The following RPS6KC1 variants were observed in gnomAD, a reference collection of about 807,000 sequenced individuals.
RPS6KC1 encodes ribosomal protein S6 kinase C1, also known as inactive ribosomal protein S6 kinase delta-1.
RPS6KC1 carries 54 observed loss-of-function variants against 103.8 expected under a neutral mutation model. The ratio of observed to expected loss-of-function variants is 0.52; its 90% CI spans 0.42 to 0.65. RPS6KC1 has a LOEUF of 0.65. RPS6KC1 is among the 30% of genes least tolerant of loss of function. The pLI is 0.00. For missense variants in RPS6KC1, 1,151 were observed against 1,253.8 expected, an observed-to-expected ratio of 0.92 and a Z score of 1.24; for synonymous variants, 439 against 438.7, an observed-to-expected ratio of 1.00 and a Z score of -0.01.
chr1:213,482,041 G>A, the RPS6KC1 span, among the ~76,000 whole-genome samples: 1 of 152,136 alleles, frequency 6.6e-6, no homozygotes, highest in Non-Finnish European at 1.5e-5. Context: ...ACCTGCTCCT[G>A]CTTCACCTTC....
chr1:213,544,837 C>T, the RPS6KC1 span, among the ~76,000 whole-genome samples: 1 of 152,168 alleles, frequency 6.6e-6, no homozygotes, highest in African/African-American at 2.4e-5. Context: ...CTCATTCCTT[C>T]TTGACCTAGT....
chr1:213,058,549 C>G (rs1315379285), intron 1 of RPS6KC1, among the ~76,000 whole-genome samples: 1 of 152,000 alleles, frequency 6.6e-6, no homozygotes, highest in Non-Finnish European at 1.5e-5. Flanking sequence ...ACTAACCTTT[C>G]TTCGTTGAAT....
intron 6 of RPS6KC1, among the ~76,000 whole-genome samples, chr1:213,136,501 T>C (rs936043185): frequency 1.3e-5 from 2 of 152,150 alleles, no homozygotes; most frequent in African/African-American, 4.8e-5. Context: ...CTTCTGCTTA[T>C]CTGTCATGGC....
chr1:213,632,245 C>A, the RPS6KC1 span, among the ~76,000 whole-genome samples: 8 of 152,244 alleles, frequency 5.3e-5, no homozygotes, highest in South Asian at 1.7e-3. Flanking sequence ...TGTGAACATA[C>A]GTTTTCATTT....
chr1:213,305,104 T>G, the RPS6KC1 span, among the ~76,000 whole-genome samples: 1 of 152,026 alleles, frequency 6.6e-6, no homozygotes, highest in Non-Finnish European at 1.5e-5. Context: ...ATCTTTTTTT[T>G]GAGAGAGTGT....
chr1:213,262,170 A>G (rs1008603345), intron 13 of RPS6KC1, among the ~76,000 whole-genome samples: 1 of 152,178 alleles, frequency 6.6e-6, no homozygotes, highest in African/African-American at 2.4e-5. Flanking sequence ...TTAATAAAGT[A>G]TTGTGCAGAT....
chr1:213,271,559 A>G (rs1429486999), intron 14 of RPS6KC1, among the ~76,000 whole-genome samples: 1 of 152,052 alleles, frequency 6.6e-6, no homozygotes, highest in Non-Finnish European at 1.5e-5. Flanking sequence ...AGGTCAGGAG[A>G]TCGAGACCAT....
chr1:213,096,818 T>C (rs1458575276), intron 3 of RPS6KC1, among the ~76,000 whole-genome samples: 1 of 152,208 alleles, frequency 6.6e-6, no homozygotes, highest in Non-Finnish European at 1.5e-5. Flanking sequence ...TGAAATGTAT[T>C]TCTTAAATAA....
At chr1:213,246,039 A>C (rs1159085678) in intron 12 of RPS6KC1, among the ~76,000 whole-genome samples, 1 of 152,138 alleles carries the variant, frequency 6.6e-6, no homozygotes, top group East Asian at 1.9e-4. Context: ...AAAAAGACAA[A>C]AACCATGGAG....
At chr1:213,388,073 G>T in the RPS6KC1 span, among the ~76,000 whole-genome samples, 2 of 152,234 alleles carry the variant, frequency 1.3e-5, no homozygotes, top group Non-Finnish European at 1.5e-5. Context: ...GCCCTCCTGG[G>T]CCCCATTTTG....
the RPS6KC1 span, among the ~76,000 whole-genome samples, chr1:213,536,780 C>T: frequency 6.6e-6 from 1 of 152,150 alleles, no homozygotes; most frequent in African/African-American, 2.4e-5. Context: ...GTGCCAAACC[C>T]CTGTTAACCT....
At chr1:213,340,717 A>G in the RPS6KC1 span, among the ~76,000 whole-genome samples, 2 of 152,208 alleles carry the variant, frequency 1.3e-5, no homozygotes, top group African/African-American at 4.8e-5. Context: ...TTTAACTCAG[A>G]TATTCTTGCA....
At chr1:213,076,166 G>C (rs1028441035) in intron 2 of RPS6KC1, among the ~76,000 whole-genome samples, 4 of 152,186 alleles carry the variant, frequency 2.6e-5, no homozygotes, top group Non-Finnish European at 5.9e-5. Flanking sequence ...TTTTGTTGTT[G>C]AGTAAATGAA....
At chr1:213,423,553 A>T in the RPS6KC1 span, among the ~76,000 whole-genome samples, 1 of 152,220 alleles carries the variant, frequency 6.6e-6, no homozygotes, top group East Asian at 1.9e-4. Context: ...GACTGCAAAT[A>T]GCTCAGCCAA....
At chr1:213,195,855 T>TACCA (rs1553373516) in intron 8 of RPS6KC1, among the ~76,000 whole-genome samples, 6 of 151,902 alleles carry the variant, frequency 3.9e-5, no homozygotes, top group Non-Finnish European at 5.9e-5. Context: ...TGTATATATA[T>TACCA]ACCATATTTT....
the RPS6KC1 span, among the ~76,000 whole-genome samples, chr1:213,506,169 A>C: frequency 6.6e-6 from 1 of 152,058 alleles, no homozygotes; most frequent in Non-Finnish European, 1.5e-5. Context: ...TACAGTATAG[A>C]CTCTTGGCAT....
the RPS6KC1 span, among the ~76,000 whole-genome samples, chr1:213,626,277 G>GTTTGA: frequency 1.3e-5 from 2 of 152,104 alleles, no homozygotes; most frequent in African/African-American, 4.8e-5. Context: ...TGATGGGGTT[G>GTTTGA]TTTTTTTCTT....
At chr1:213,475,732 C>G in the RPS6KC1 span, among the ~76,000 whole-genome samples, 2 of 152,138 alleles carry the variant, frequency 1.3e-5, no homozygotes, top group Non-Finnish European at 2.9e-5. Context: ...CTTTCAAGCT[C>G]TAGAGTTTGG....
At chr1:213,369,755 G>T in the RPS6KC1 span, among the ~76,000 whole-genome samples, 1 of 152,248 alleles carries the variant, frequency 6.6e-6, no homozygotes. Context: ...CAGCAGGATG[G>T]GGAGGGAACC....
Sources: gnomAD v4.1 joint callset for allele counts (sites outside exome capture counted in the v4.1 genomes callset) on GRCh38, gnomAD v4.1.1 for gene constraint, MANE v1.5 for transcripts, NCBI Gene and HGNC (gene_info 2026-07-23, HGNC 2026-07-21) for gene names.